Variants in TRAF6 observed in about 807,000 individuals in gnomAD.
The protein encoded by TRAF6 is TNF receptor-associated factor 6.
A neutral mutation model predicts 48.4 loss-of-function variants in TRAF6; 10 were observed. The observed-to-expected ratio is 0.21, with a 90% CI of 0.13 to 0.35. The LOEUF is 0.35. Among genes scored for constraint, TRAF6 ranks in the 10% least tolerant of loss-of-function variants. The probability of loss-of-function intolerance (pLI) is 1.00; values close to 1 mark genes in which losing one functional copy is unlikely to be tolerated. For synonymous variants in TRAF6, 186 were observed against 219.6 expected (o/e 0.85, Z 1.35); for missense variants, 397 against 661.0 (o/e 0.60, Z 4.38).
chr11:36,501,640 T>C (rs1859717690), intron 1 of TRAF6, 103 bp from the exon 2 acceptor site: 1 of 870,652 alleles, frequency 1.1e-6, no homozygotes, highest in Admixed American at 3.2e-5. Flanking sequence ...TTTTAATTCA[T>C]GTACATCAGC....
Position 36,490,393 on chromosome 11 carries a change from C to T in TRAF6, c.1014G>A (p.Glu338=), listed in dbSNP as rs1473666147. The T allele has an allele frequency of 1.2e-6, 2 of 1,614,104 alleles. No individual in the cohort carries two copies. The stretch of plus-strand genomic sequence containing the variant: ...GTGCTTCGATTTCAGCAACTTTGTC[C>T]TCAAGGGTTCGAATGGTTCGTTTGA... ...SELKRTIRTL[E]DKVAEIEAQQ... The change falls in exon 7 of 7, where the codon GAG becomes GAA. Residue 338 remains glutamate, a synonymous_variant. Transcript: ENST00000526995. This position sits in a 1 kb window ranked among gnomAD's most constrained non-coding sequence, Gnocchi z 6.4.
rs1859671282 is a variant in TRAF6, at chr11:36,498,553, A to C, written c.384T>G (p.Leu128=). The change falls in exon 3 of 7, where the codon CTT becomes CTG. Residue 128 remains leucine, a synonymous_variant. Coordinates refer to ENST00000526995, the MANE Select transcript of TRAF6 (RefSeq NM_004620.4). ...FPDNFAKREI[L]SLMVKCPNEG... ...CATTTGGACATTTCACCATCAGAGA[A>C]AGAATCTCACGTTTTGCAAAATTGT... is the stretch of plus-strand genomic sequence containing the variant. 2 of 1,613,410 alleles carry C rather than the reference A, an allele frequency of 1.2e-6. No individual in the cohort carries two copies. Among genetic ancestry groups the C allele is most frequent in the Middle Eastern group, 1.8e-4 (1 of 5,704 alleles).
In TRAF6 at chr11:36,501,432, G is replaced by A. The variant is rs765097739; in HGVS notation, c.84C>T (p.Ser28=). The part of the protein sequence containing the change: ...DCCVAMASSC[S]AVTKDDSVGG... ...CCACACTATCATCTTTTGTTACAGCGCTACAGGAGCTGGCCATGGCCACAC... is the reference window on the plus strand; with the variant it reads ...CCACACTATCATCTTTTGTTACAGCACTACAGGAGCTGGCCATGGCCACAC... The change falls in exon 2 of 7, where the codon AGC becomes AGT. Residue 28 remains serine (S), a synonymous_variant. Transcript: ENST00000526995. The A allele has an allele frequency of 3.8e-5, 62 of 1,613,972 alleles. No individual in the cohort carries two copies. Among genetic ancestry groups the A allele is most frequent in the Non-Finnish European group, 5.2e-5 (61 of 1,180,014 alleles).
At position 36,484,504 on chromosome 11, in the gene TRAF6, T is replaced by G. The variant is rs10836567; in HGVS notation, c.*5334A>C. Among the ~76,000 whole-genome samples the G allele has an allele frequency of 0.17, 25,782 of 152,128 alleles. 2,544 individuals are homozygous for G. The highest frequency in any genetic ancestry group is 0.27 in the African/African-American group (11,191 of 41,462). On this transcript the variant is annotated 3_prime_UTR_variant, in exon 7 of 7. Transcript: ENST00000526995. ...ACAGCTTGTCATACAGTTTACAGAA[T>G]TATGAGAATCCTCCCTGGATTCACA...
Position 36,510,100 on chromosome 11 carries a change from C to G in TRAF6, c.-75G>C, listed in dbSNP as rs539128495. On this transcript the variant is annotated 5_prime_UTR_variant, in exon 1 of 7. Transcript: ENST00000526995. ...AGGAGGGCAGGGCTCCCCCACCAAC[C>G]GCACGACTCCGCTCAGCCAAGGCGC... The G allele has an allele frequency of 2.0e-5, 3 of 152,466 alleles. No homozygotes were observed. The highest frequency in any genetic ancestry group is 4.8e-5 in the African/African-American group (2 of 41,460). The allele number at this position is 152,466 out of a possible 1,614,324, so 9.4% of individuals were successfully genotyped here. A position where few individuals can be genotyped will look rare whatever the true frequency, so the allele number is the denominator to read the frequency against.
rs906680251 is a variant in TRAF6 at position 36,485,472 on chromosome 11, C to A, written c.*4366G>T. On this transcript the variant is annotated 3_prime_UTR_variant, in exon 7 of 7. Coordinates refer to ENST00000526995, the MANE Select transcript of TRAF6 (RefSeq NM_004620.4). ...TGCTTGGGCGATTGTCCGAGTGGGA[C>A]AGCACCTACCTTCAGAGCTGCAGAC... Among the ~76,000 whole-genome samples the A allele has an allele frequency of 6.6e-6, 1 of 152,108 alleles. No individual in the cohort carries two copies. Among genetic ancestry groups the A allele is most frequent in the Non-Finnish European group, 1.5e-5 (1 of 68,036 alleles).
intron 1 of TRAF6, 71 bp from the exon 2 acceptor site, chr11:36,501,608 T>C (rs904456906): frequency 8.5e-5 from 95 of 1,123,594 alleles, no homozygotes; most frequent in Middle Eastern, 3.0e-4. Context: ...ATATATATCA[T>C]AGCTTATCTA....
intron 2 of TRAF6, among the ~76,000 whole-genome samples, chr11:36,499,241 A>C (rs1859683638): frequency 6.6e-6 from 1 of 152,152 alleles, no homozygotes; most frequent in South Asian, 2.1e-4. Context: ...CCTGCTTCTC[A>C]GTGGTTTATT....
intron 4 of TRAF6, 38 bp from the exon 5 acceptor site, chr11:36,495,085 A>G (rs749286722): frequency 6.8e-7 from 1 of 1,474,644 alleles, no homozygotes; most frequent in African/African-American, 1.4e-5. Flanking sequence ...AAGCATGAGA[A>G]TATCTGAAAA....
At position 36,487,756 on chromosome 11, in the gene TRAF6, A is replaced by G. The variant is rs1469607972; in HGVS notation, c.*2082T>C. On this transcript the variant is annotated 3_prime_UTR_variant, in exon 7 of 7. Coordinates refer to ENST00000526995, the MANE Select transcript of TRAF6 (RefSeq NM_004620.4). ...GACTCTTGAGTTAGTAGAAAAAAAT[A>G]GTATCACCAAGGCAGGAAATGACTC... 6.6e-6 allele frequency: 1 copy of G among 152,202 alleles called. No individual in the cohort carries two copies. Among genetic ancestry groups the G allele is most frequent in the African/African-American group, 2.4e-5 (1 of 41,448 alleles). The allele number at this position is 152,202 out of a possible 1,614,324, so 9.4% of individuals were successfully genotyped here.
chr11:36,509,540 T>C (rs894435247), intron 1 of TRAF6, among the ~76,000 whole-genome samples: 31 of 152,230 alleles, frequency 2.0e-4, no homozygotes, highest in African/African-American at 7.2e-4. Context: ...AAGGATTTTT[T>C]AAAAATTTAA....
rs1859713993 is a variant in TRAF6, at chr11:36,501,411, A to G, written c.105T>C (p.Ser35=). ...TCCCCGTGCTGGCAGTTCCACCCAC[A>G]CTATCATCTTTTGTTACAGCGCTAC... ...SSCSAVTKDD[S]VGGTASTGNL... is the part of the protein sequence containing the mutation. Residue 35 remains serine, a synonymous_variant, in exon 2 of 7, where the codon AGT becomes AGC. Coordinates refer to ENST00000526995, the MANE Select transcript of TRAF6 (RefSeq NM_004620.4). 1.2e-6 allele frequency: 2 copies of G among 1,614,136 alleles called. No homozygotes were observed. The highest frequency in any genetic ancestry group is 1.7e-5 in the Admixed American group (1 of 60,024).
intron 2 of TRAF6, among the ~76,000 whole-genome samples, chr11:36,499,100 C>A (rs561608473): frequency 6.6e-6 from 1 of 152,268 alleles, no homozygotes; most frequent in East Asian, 1.9e-4. Context: ...CTTAGCAGTA[C>A]CTCCGTGAGG....
chr11:36,494,882 T>G, intron 5 of TRAF6, 94 bp downstream of exon 5: 1 of 865,348 alleles, frequency 1.2e-6, no homozygotes, highest in East Asian at 2.8e-5. Context: ...AATCTGTATT[T>G]CTTTGCCTTA....
At chr11:36,491,406 TTC>T (rs1367423606) in intron 6 of TRAF6, among the ~76,000 whole-genome samples, 2 of 152,328 alleles carry the variant, frequency 1.3e-5, no homozygotes, top group Admixed American at 6.5e-5. Flanking sequence ...AACATTTTAT[TTC>T]TTTCTTTTTC....
Position 36,489,903 on chromosome 11 carries a change from G to A in TRAF6, c.1504C>T (p.Arg502Cys), listed in dbSNP as rs1859538667. 6.8e-6 allele frequency: 11 copies of A among 1,614,194 alleles called. No individual in the cohort carries two copies. The highest frequency in any genetic ancestry group is 8.5e-6 in the Non-Finnish European group (10 of 1,180,042). ...CTCCGAAGGCTACCCATGTCAAAGC[G>A]GGTGGAGACCTCACAGCGCACTAAT... ...TLLVRCEVSTRFDMGSLRREG... is the reference protein window; with the variant it reads ...TLLVRCEVSTCFDMGSLRREG... Residue 502 changes from arginine to cysteine, a missense_variant, in exon 7 of 7, where the codon CGC becomes TGC. Physicochemically the swap from Arg to Cys is radical, Grantham distance 180 (BLOSUM62 -3). This residue lies in a region of TRAF6 where 74 missense variants were observed against 198.9 expected (regional missense o/e 0.37). Coordinates refer to ENST00000526995, the MANE Select transcript of TRAF6 (RefSeq NM_004620.4).
Position 36,498,528 on chromosome 11 carries a change from C to T in TRAF6, c.409G>A (p.Glu137Lys). 1 of 1,612,520 alleles carries T rather than the reference C, an allele frequency of 6.2e-7. No homozygotes were observed. Among genetic ancestry groups the T allele is most frequent in the Non-Finnish European group, 8.5e-7 (1 of 1,179,874 alleles). The change falls in exon 3 of 7, where the codon GAA (glutamate) becomes AAA (lysine). Residue 137 changes from glutamate (E) to lysine (K), a missense_variant. By Grantham distance (56) the Glu-to-Lys change is moderately conservative (BLOSUM62 1). Around this residue, in one of 4 missense-constraint regions of TRAF6, gnomAD observed 245 missense variants for 349.1 expected, o/e 0.70. Coordinates refer to ENST00000526995, the MANE Select transcript of TRAF6 (RefSeq NM_004620.4). Reference sequence around the variant, plus strand: ...AGTTCCATCTTGTGCAAACAACCTTCATTTGGACATTTCACCATCAGAGAA... The same window carrying T: ...AGTTCCATCTTGTGCAAACAACCTTTATTTGGACATTTCACCATCAGAGAA... ...ILSLMVKCPN[E>K]GCLHKMELRH...
In TRAF6 at chr11:36,485,678, T is replaced by G. The variant is rs375111799; in HGVS notation, c.*4160A>C. Among the ~76,000 whole-genome samples, 54 of 152,284 alleles carry G rather than the reference T, an allele frequency of 3.5e-4. 1 individual carries two copies. Among genetic ancestry groups the G allele is most frequent in the East Asian group, 3.1e-3 (16 of 5,184 alleles). ...CGAATTTCCTGTGGGGAAAAAGCTT[T>G]AAAATATTACACACACAAGTGACAT... On this transcript the variant is annotated 3_prime_UTR_variant, in exon 7 of 7. Transcript: ENST00000526995.
At chr11:36,495,714 G>C (rs1051251022) in intron 4 of TRAF6, among the ~76,000 whole-genome samples, 1 of 152,060 alleles carries the variant, frequency 6.6e-6, no homozygotes, top group South Asian at 2.1e-4. Context: ...CCAACATGGA[G>C]AAACCCCATC....
Sources: allele counts gnomAD v4.1 joint callset (sites outside exome capture counted in the v4.1 genomes callset), GRCh38; gene constraint gnomAD v4.1.1; regional missense constraint gnomAD v4.1.1; non-coding constraint Gnocchi (gnomAD v3.1); transcripts MANE v1.5; gene names NCBI Gene and HGNC (gene_info 2026-07-23, HGNC 2026-07-21).